The following MSH3 variants were observed in gnomAD, a reference collection of about 807,000 sequenced individuals.
MSH3 encodes DNA mismatch repair protein Msh3.
In MSH3, 106 loss-of-function variants were observed where a neutral mutation model predicts 123.3. The observed-to-expected ratio is 0.86, with a 90% CI of 0.73 to 1.01. The LOEUF is 1.01. MSH3 is among the 50% of genes least tolerant of loss of function. The pLI is 0.00. For synonymous variants in MSH3, 515 were observed against 481.4 expected, an observed-to-expected ratio of 1.07 and a Z score of -0.91; for missense variants, 1,459 against 1,347.6, an observed-to-expected ratio of 1.08 and a Z score of -1.29.
chr5:80,775,809 ATATC>A (rs747272014), intron 16 of MSH3, 51 bp downstream of exon 16: 2 of 957,072 alleles, frequency 2.1e-6, no homozygotes, highest in Admixed American at 1.7e-5. Context: ...TGACATCTGT[ATATC>A]TATGTGCTAC....
intron 22 of MSH3, among the ~76,000 whole-genome samples, chr5:80,870,031 G>A (rs73137557): frequency 0.14 from 20,966 of 151,098 alleles, 1,890 homozygotes; most frequent in East Asian, 0.35. Flanking sequence ...AAAAGTAGCC[G>A]GGCATGGTGG....
chr5:80,839,715 A>G (rs926455659), intron 20 of MSH3, among the ~76,000 whole-genome samples: 5 of 152,360 alleles, frequency 3.3e-5, no homozygotes, highest in East Asian at 3.9e-4. Context: ...ATAGCCTTCT[A>G]TATATATTTT....
chr5:80,840,633 A>G (rs1344114403), intron 20 of MSH3, among the ~76,000 whole-genome samples: 3 of 152,102 alleles, frequency 2.0e-5, no homozygotes, highest in Admixed American at 6.5e-5. Context: ...TCTAGGGTAC[A>G]TGTGCACAAC....
intron 20 of MSH3, among the ~76,000 whole-genome samples, chr5:80,837,936 T>A (rs1027422629): frequency 2.0e-5 from 3 of 152,170 alleles, no homozygotes; most frequent in Non-Finnish European, 2.9e-5. Flanking sequence ...TCTGAGGTCC[T>A]CAGCTTCTTG....
At chr5:80,691,040 A>G (rs1220291737) in intron 8 of MSH3, among the ~76,000 whole-genome samples, 1 of 151,960 alleles carries the variant, frequency 6.6e-6, no homozygotes, top group Non-Finnish European at 1.5e-5. Context: ...TGTTATTCAT[A>G]GATTATTTTA....
intron 23 of MSH3, among the ~76,000 whole-genome samples, chr5:80,873,520 A>T (rs1272024996): frequency 6.6e-6 from 1 of 152,220 alleles, no homozygotes; most frequent in Admixed American, 6.5e-5. Flanking sequence ...GGTCATTTTT[A>T]TAAAGAATTA....
Position 80,692,525 on chromosome 5 carries a change from T to TAGATAAACATGTATATGTTTATATAGAG in MSH3, c.1340+13488_1340+13515dup, listed in dbSNP as rs1356004333. Among the ~76,000 whole-genome samples the TAGATAAACATGTATATGTTTATATAGAG allele has an allele frequency of 1.7e-3, 175 of 101,554 alleles. 5 individuals carry two copies. The highest frequency in any genetic ancestry group is 4.2e-3 in the African/African-American group (112 of 26,668). The allele number at this position is 101,554 out of a possible 152,430, so 66.6% of individuals were successfully genotyped here. On this transcript the variant is annotated intron_variant, in intron 8 of 23. Transcript: ENST00000265081. Reference sequence around the variant, plus strand: ...ATAGATAAACATGTATATGTTTAGATAGATAAACATGTATATGTTTATATA... The same window carrying TAGATAAACATGTATATGTTTATATAGAG: ...ATAGATAAACATGTATATGTTTAGATAGATAAACATGTATATGTTTATATAGAGAGATAAACATGTATATGTTTATATA...
chr5:80,743,007 A>C (rs1212061016), intron 11 of MSH3, among the ~76,000 whole-genome samples: 1 of 152,084 alleles, frequency 6.6e-6, no homozygotes, highest in East Asian at 1.9e-4. Flanking sequence ...TTAGAAGCCG[A>C]AGCTGAGATT....
intron 12 of MSH3, among the ~76,000 whole-genome samples, chr5:80,760,763 G>A (rs1045298843): frequency 6.6e-6 from 1 of 152,200 alleles, no homozygotes; most frequent in African/African-American, 2.4e-5. Flanking sequence ...CAGGCTGATG[G>A]AGTTACCATG....
At chr5:80,702,583 T>A (rs1484391614) in intron 8 of MSH3, among the ~76,000 whole-genome samples, 9 of 152,254 alleles carry the variant, frequency 5.9e-5, no homozygotes, top group Middle Eastern at 3.4e-3. Context: ...CAATGTAGTT[T>A]TATAGACAGT....
In MSH3 at chr5:80,675,104, G is replaced by A. The variant is rs776871293; in HGVS notation, c.1149G>A (p.Lys383=). 2.2e-5 allele frequency: 35 copies of A among 1,613,590 alleles called. No individual in the cohort carries two copies. Among genetic ancestry groups the A allele is most frequent in the Middle Eastern group, 1.6e-4 (1 of 6,074 alleles). Residue 383 remains lysine, a synonymous_variant, in exon 7 of 24, where the codon AAG becomes AAA. Transcript: ENST00000265081. ...AGGAAAATGTTAGGGACAAAAAAAAGGGCAACATTTTTATTGGCATTGTGG... is the reference window on the plus strand; with the variant it reads ...AGGAAAATGTTAGGGACAAAAAAAAAGGCAACATTTTTATTGGCATTGTGG... The part of the protein sequence containing the change: ...ENKENVRDKK[K]GNIFIGIVGV...
chr5:80,845,962 A>G (rs917974407), intron 20 of MSH3, among the ~76,000 whole-genome samples: 14 of 152,044 alleles, frequency 9.2e-5, no homozygotes, highest in African/African-American at 1.2e-4. Context: ...AGGAGCTGCA[A>G]TCCTTTGGAG....
intron 20 of MSH3, among the ~76,000 whole-genome samples, chr5:80,846,239 A>G (rs937951068): frequency 6.6e-6 from 1 of 152,120 alleles, no homozygotes; most frequent in Non-Finnish European, 1.5e-5. Context: ...GAGGCTGCAG[A>G]ACAGTAAATA....
At chr5:80,762,834 T>TG (rs1339221996) in intron 13 of MSH3, among the ~76,000 whole-genome samples, 164 of 150,298 alleles carry the variant, frequency 1.1e-3, no homozygotes, top group African/African-American at 2.9e-3. Flanking sequence ...TGTTATGTTA[T>TG]TTTATGTTAT....
chr5:80,876,796 T>C lies in MSH3; in HGVS notation c.*934T>C, dbSNP rs1050870145. On this transcript the variant is annotated 3_prime_UTR_variant, in exon 24 of 24. Transcript: ENST00000265081. ...TTGTCATTCATTCAAGTAATAAATA[T>C]TTAATGAATACTTGCTATAGATGAT... Among the ~76,000 whole-genome samples, 58 of 152,242 alleles carry C rather than the reference T, an allele frequency of 3.8e-4. No homozygotes were observed. Among genetic ancestry groups the C allele is most frequent in the Non-Finnish European group, 1.0e-4 (7 of 68,044 alleles).
intron 10 of MSH3, among the ~76,000 whole-genome samples, chr5:80,734,299 G>GT (rs1743464263): frequency 6.6e-6 from 1 of 152,188 alleles, no homozygotes; most frequent in Non-Finnish European, 1.5e-5. Flanking sequence ...CTCTTGGGTT[G>GT]TTGGGGGGAA....
intron 2 of MSH3, among the ~76,000 whole-genome samples, chr5:80,661,472 A>G (rs1749433654): frequency 6.6e-6 from 1 of 151,988 alleles, no homozygotes; most frequent in Admixed American, 6.6e-5. Context: ...TCCATATTGT[A>G]TGTTTCATCT....
intron 20 of MSH3, among the ~76,000 whole-genome samples, chr5:80,853,404 G>GGCAGAGGTTGTAGTGA (rs1488389928): frequency 6.6e-6 from 1 of 152,086 alleles, no homozygotes; most frequent in African/African-American, 2.4e-5. Context: ...GAGCCCAGGA[G>GGCAGAGGTTGTAGTGA]GCAGAGGTTG....
rs1286297071 is a variant in MSH3 at position 80,692,472 on chromosome 5, T to TTATA, written c.1340+13381_1340+13382insTATA. On this transcript the variant is annotated intron_variant, in intron 8 of 23. Transcript: ENST00000265081. Reference sequence around the variant, plus strand: ...TTTAGATAGATAAACATGTATATGTTTAGATAGATAAACATGTATATGTTT... The same window carrying TTATA: ...TTTAGATAGATAAACATGTATATGTTTATATAGATAGATAAACATGTATATGTTT... Among the ~76,000 whole-genome samples the TTATA allele has an allele frequency of 3.2e-3, 150 of 46,160 alleles. 11 individuals are homozygous for TTATA. Among genetic ancestry groups the TTATA allele is most frequent in the Non-Finnish European group, 3.8e-3 (99 of 26,096 alleles). The allele number at this position is 46,160 out of a possible 152,430, so 30.3% of individuals were successfully genotyped here. A position where few individuals can be genotyped will look rare whatever the true frequency, so the allele number is the denominator to read the frequency against.
Sources: allele counts gnomAD v4.1 joint callset (sites outside exome capture counted in the v4.1 genomes callset), GRCh38; gene constraint gnomAD v4.1.1; transcripts MANE v1.5; gene names NCBI Gene and HGNC (gene_info 2026-07-23, HGNC 2026-07-21).